SMAD6: variants seen among roughly 807,000 people sequenced by gnomAD.
The protein encoded by SMAD6 is MAD homolog 6.
In SMAD6, 103 loss-of-function variants were observed where a neutral mutation model predicts 39.4. That is an observed-to-expected ratio of 2.62 (90% CI 2.23 to 3.08). The LOEUF is 3.08. SMAD6 is among the 30% of genes most tolerant of loss of function. SMAD6 has a pLI of 0.00. For synonymous variants in SMAD6, 445 were observed against 353.3 expected, an observed-to-expected ratio of 1.26 and a Z score of -2.91; for missense variants, 1,104 against 742.9, an observed-to-expected ratio of 1.49 and a Z score of -5.65.
intron 3 of SMAD6, among the ~76,000 whole-genome samples, chr15:66,752,205 C>G (rs1894019115): frequency 6.6e-6 from 1 of 152,140 alleles, no homozygotes; most frequent in East Asian, 1.9e-4. Flanking sequence ...CTGGGACTCT[C>G]ATAGGTCAGG....
chr15:66,741,175 G>A (rs1253671042), intron 3 of SMAD6: 2 of 152,208 alleles, frequency 1.3e-5, no homozygotes, highest in South Asian at 2.1e-4. Context: ...GTTTCTTTGG[G>A]CCCAGGTGGG....
Position 66,781,290 on chromosome 15 carries a change from A to G in SMAD6, c.1246A>G (p.Thr416Ala). 1 of 1,604,600 alleles carries G rather than the reference A, an allele frequency of 6.2e-7. No homozygotes were observed. Among genetic ancestry groups the G allele is most frequent in the South Asian group, 1.1e-5 (1 of 90,962 alleles). ...GCACCCCATCTTCGTCAACTCCCCG[A>G]CGCTGGACGCGCCCGGCGGCCGCGC... Reference protein sequence around the residue: ...GEHPIFVNSPTLDAPGGRALV... With the variant: ...GEHPIFVNSPALDAPGGRALV... The change falls in exon 4 of 4, where the codon ACG (threonine) becomes GCG (alanine). Residue 416 changes from threonine (T) to alanine (A), a missense_variant. By Grantham distance (58) the Thr-to-Ala change is moderately conservative. Transcript: ENST00000288840.
chr15:66,718,111 C>CGTGTGTGTGTGTGT (rs57053370), intron 3 of SMAD6, among the ~76,000 whole-genome samples: 4,512 of 137,148 alleles, frequency 0.033, 229 homozygotes, highest in African/African-American at 0.087. Flanking sequence ...ATGGAAAGTC[C>CGTGTGTGTGTGTGT]GTGTGTGTGT....
chr15:66,766,686 G>T (rs1306573831), intron 3 of SMAD6, among the ~76,000 whole-genome samples: 1 of 152,168 alleles, frequency 6.6e-6, no homozygotes, highest in Non-Finnish European at 1.5e-5. Context: ...CAAGGCTTCT[G>T]TGTGATTCAG....
At chr15:66,778,781 G>T (rs971996471) in intron 3 of SMAD6, among the ~76,000 whole-genome samples, 4 of 152,184 alleles carry the variant, frequency 2.6e-5, no homozygotes, top group African/African-American at 9.7e-5. Flanking sequence ...GCATTCACTG[G>T]TGTATACCCT....
chr15:66,725,447 C>G (rs1002565837), intron 3 of SMAD6, among the ~76,000 whole-genome samples: 1 of 152,202 alleles, frequency 6.6e-6, no homozygotes. Context: ...ATGTCTGGAG[C>G]GGACATCAAA....
At chr15:66,759,354 GAGAGA>G (rs898222553) in intron 3 of SMAD6, among the ~76,000 whole-genome samples, 1 of 151,728 alleles carries the variant, frequency 6.6e-6, no homozygotes, top group African/African-American at 2.4e-5. Context: ...GAGAGAGAGA[GAGAGA>G]AATATTCATG....
In SMAD6 at chr15:66,781,442, CA is replaced by C; in HGVS notation, c.1399del (p.Ser467AlafsTer72). On this transcript the variant is annotated frameshift_variant, in exon 4 of 4. Coordinates refer to ENST00000288840, the MANE Select transcript of SMAD6 (RefSeq NM_005585.5). LOFTEE classifies it high-confidence loss of function. Reference sequence around the variant, plus strand: ...CCTACGACCCCAACAGCGTCCGCATCAGCTTCGCCAAGGGCTGGGGGCCCTG... The same window carrying C: ...CCTACGACCCCAACAGCGTCCGCATCGCTTCGCCAAGGGCTGGGGGCCCTG... ...GPYDPNSVRI[S>X]FAKGWGPCYS... is the part of the protein sequence containing the mutation. 1 of 1,605,368 alleles carries C rather than the reference CA, an allele frequency of 6.2e-7. No homozygotes were observed. The highest frequency in any genetic ancestry group is 8.5e-7 in the Non-Finnish European group (1 of 1,178,282).
At chr15:66,775,616 C>T (rs990995713) in intron 3 of SMAD6, among the ~76,000 whole-genome samples, 3 of 152,182 alleles carry the variant, frequency 2.0e-5, no homozygotes, top group African/African-American at 4.8e-5. Context: ...TCCTCTCCTC[C>T]TCCCCCTGGA....
chr15:66,732,487 A>C lies in SMAD6; in HGVS notation c.952+15989A>C, dbSNP rs189717142. Among the ~76,000 whole-genome samples, 145 of 152,184 alleles carry C rather than the reference A, an allele frequency of 9.5e-4. 4 individuals are homozygous for C. In the South Asian group the frequency reaches 0.028, roughly 30 times the overall value. On this transcript the variant is annotated intron_variant, in intron 3 of 3. Transcript: ENST00000288840. ...TGTCTCAGCCTCCCAAGTAGATGTG[A>C]CTACAGCTGTGTCCCACTGTATCTG...
intron 3 of SMAD6, among the ~76,000 whole-genome samples, chr15:66,754,458 G>A (rs12906898): frequency 0.3 from 45,001 of 152,080 alleles, 6,744 homozygotes; most frequent in Middle Eastern, 0.35. Flanking sequence ...GTGAATTACA[G>A]CCAGTGGTAC....
At chr15:66,715,598 G>A (rs2140602863) in intron 2 of SMAD6, among the ~76,000 whole-genome samples, 1 of 152,246 alleles carries the variant, frequency 6.6e-6, no homozygotes, top group South Asian at 2.1e-4. Context: ...AGAGGCACAG[G>A]CCCAGGAAAA....
chr15:66,727,553 G>A (rs1363569404), intron 3 of SMAD6, among the ~76,000 whole-genome samples: 1 of 152,236 alleles, frequency 6.6e-6, no homozygotes, highest in Non-Finnish European at 1.5e-5. Context: ...GCAGGAAGAT[G>A]TGAGGACACT....
At chr15:66,717,733 C>G (rs985111590) in intron 3 of SMAD6, among the ~76,000 whole-genome samples, 3 of 152,114 alleles carry the variant, frequency 2.0e-5, no homozygotes, top group Non-Finnish European at 4.4e-5. Flanking sequence ...TGTGACTTGC[C>G]ATACAGGGTC....
intron 3 of SMAD6, among the ~76,000 whole-genome samples, chr15:66,778,730 A>G (rs1180157792): frequency 6.6e-6 from 1 of 152,138 alleles, no homozygotes; most frequent in Admixed American, 6.5e-5. Flanking sequence ...TGTGGAGAAG[A>G]GCTCCCCTCT....
In SMAD6 at chr15:66,703,526, C is replaced by G; in HGVS notation, c.268C>G (p.Pro90Ala). The G allele has an allele frequency of 3.3e-6, 4 of 1,222,318 alleles. No homozygotes were observed. Among genetic ancestry groups the G allele is most frequent in the Non-Finnish European group, 4.1e-6 (4 of 979,508 alleles). 75.7% of individuals were successfully genotyped at this position (1,222,318 alleles called of 1,614,324 possible). Residue 90 changes from proline to alanine, a missense_variant, in exon 1 of 4, where the codon CCG becomes GCG. Transcript: ENST00000288840. ...AGRRRRAGGPPRPMSEPGAGA... is the reference protein window; with the variant it reads ...AGRRRRAGGPARPMSEPGAGA... Reference sequence around the variant, plus strand: ...GAGGCGCCGGCGCGCAGGGGGCCCCCCGAGGCCCATGTCGGAGCCAGGGGC... The same window carrying G: ...GAGGCGCCGGCGCGCAGGGGGCCCCGCGAGGCCCATGTCGGAGCCAGGGGC...
At chr15:66,728,713 A>G (rs7183731) in intron 3 of SMAD6, among the ~76,000 whole-genome samples, 91,032 of 152,044 alleles carry the variant, frequency 0.6, 27,526 homozygotes, top group East Asian at 0.84. Context: ...CCTCATCCAT[A>G]TTGTTGTTGT....
At chr15:66,723,599 G>C (rs1010023774) in intron 3 of SMAD6, among the ~76,000 whole-genome samples, 11 of 152,194 alleles carry the variant, frequency 7.2e-5, no homozygotes, top group Non-Finnish European at 1.3e-4. Context: ...GAGCTCAGGA[G>C]TTGGAGGCTA....
chr15:66,750,698 C>T (rs1219763690), intron 3 of SMAD6, among the ~76,000 whole-genome samples: 2 of 152,152 alleles, frequency 1.3e-5, no homozygotes, highest in Non-Finnish European at 2.9e-5. Flanking sequence ...GTGTAGGTGG[C>T]ATTATCAAGC....
Sources: allele counts gnomAD v4.1 joint callset (sites outside exome capture counted in the v4.1 genomes callset), GRCh38; gene constraint gnomAD v4.1.1; transcripts MANE v1.5; gene names NCBI Gene and HGNC (gene_info 2026-07-23, HGNC 2026-07-21).